The following LPP variants were observed in gnomAD, a reference collection of about 807,000 sequenced individuals.
LPP encodes LIM domain containing preferred translocation partner in lipoma.
In LPP, 38 loss-of-function variants were observed where a neutral mutation model predicts 60.4. The ratio of observed to expected loss-of-function variants is 0.63; its 90% confidence interval spans 0.49 to 0.83. The LOEUF (loss-of-function observed/expected upper bound fraction) is 0.83. LPP is among the 40% of genes least tolerant of loss of function. The pLI, the probability that LPP is intolerant of heterozygous loss-of-function variation, is 0.00. For synonymous variants in LPP, 328 were observed against 290.8 expected (o/e 1.13, Z -1.30); for missense variants, 902 against 783.6 (o/e 1.15, Z -1.80).
At chr3:188,770,968 T>C (rs371063331) in intron 9 of LPP, among the ~76,000 whole-genome samples, 3 of 152,208 alleles carry the variant, frequency 2.0e-5, no homozygotes, top group African/African-American at 7.2e-5. Context: ...AGCTCCAGGA[T>C]TGTCCCATGC....
chr3:188,425,402 A>G (rs561131202), intron 4 of LPP, among the ~76,000 whole-genome samples: 1 of 152,070 alleles, frequency 6.6e-6, no homozygotes, highest in South Asian at 2.1e-4. Context: ...TTGGCCTGAA[A>G]TTTTCTTTTT....
chr3:188,164,921 C>G (rs1022355718), intron 1 of LPP, among the ~76,000 whole-genome samples: 6 of 151,930 alleles, frequency 3.9e-5, no homozygotes, highest in African/African-American at 1.5e-4. Context: ...GCAGTGTGGT[C>G]TCTGCTTGCA....
rs150870024 is a variant in LPP at position 188,800,402 on chromosome 3, C to T, written c.1410+40120C>T. On this transcript the variant is annotated intron_variant, in intron 9 of 11. Coordinates refer to ENST00000617246, the MANE Select transcript of LPP (RefSeq NM_001375462.1). The stretch of plus-strand genomic sequence containing the variant: ...CTGGGACTACAGGTGTCTGCCACCA[C>T]GCCCGGCTAATTTTTTGTATTTTTA... 2.3e-3 allele frequency among the ~76,000 whole-genome samples: 351 copies of T among 151,800 alleles called. 1 individual carries two copies. Among genetic ancestry groups the T allele is most frequent in the African/African-American group, 7.8e-3 (322 of 41,424 alleles).
At chr3:188,181,631 C>T (rs947729251) in intron 1 of LPP, among the ~76,000 whole-genome samples, 1 of 152,184 alleles carries the variant, frequency 6.6e-6, no homozygotes, top group Admixed American at 6.5e-5. Context: ...TATCAGTTTT[C>T]CCACCTGGTT....
At chr3:188,566,581 C>T (rs764021883) in intron 6 of LPP, among the ~76,000 whole-genome samples, 3 of 151,888 alleles carry the variant, frequency 2.0e-5, no homozygotes, top group Non-Finnish European at 4.4e-5. Context: ...CTCCCTCCAA[C>T]ATTCATACCA....
At chr3:188,680,588 AACAGTG>A (rs1452219670) in intron 7 of LPP, among the ~76,000 whole-genome samples, 1 of 152,222 alleles carries the variant, frequency 6.6e-6, no homozygotes, top group African/African-American at 2.4e-5. Flanking sequence ...AGCAGAAAAT[AACAGTG>A]ATGCATTCAG....
At chr3:188,372,638 G>A (rs1773616827) in intron 3 of LPP, among the ~76,000 whole-genome samples, 1 of 150,810 alleles carries the variant, frequency 6.6e-6, no homozygotes. Context: ...AAGTTTCTGG[G>A]ATCTTCTTTA....
At chr3:188,779,165 G>A (rs1196461528) in intron 9 of LPP, among the ~76,000 whole-genome samples, 1 of 152,070 alleles carries the variant, frequency 6.6e-6, no homozygotes, top group Admixed American at 6.5e-5. Context: ...GAATGTTAGT[G>A]CACTTATAGA....
intron 5 of LPP, among the ~76,000 whole-genome samples, chr3:188,493,788 T>C (rs1201746579): frequency 6.6e-6 from 1 of 152,160 alleles, no homozygotes; most frequent in Non-Finnish European, 1.5e-5. Context: ...TAATCTTTCA[T>C]TCACCTTTTT....
At chr3:188,441,604 CTTTTCTTTTTTTTT>C (rs1793877801) in intron 4 of LPP, among the ~76,000 whole-genome samples, 1 of 39,972 alleles carries the variant, frequency 2.5e-5, no homozygotes, top group Non-Finnish European at 4.8e-5. Context: ...TTTTTCTTTT[CTTTTCTTTTTTTTT>C]TTTTTTTTTT....
In LPP at chr3:188,866,262, C is replaced by T. The variant is rs138205223; in HGVS notation, c.1473C>T (p.Thr491=). 4.0e-5 allele frequency: 64 copies of T among 1,586,252 alleles called. No individual in the cohort carries two copies. The African/African-American group carries it at 6.5e-4, about 16-fold the overall frequency. ...TCATGGAGCGGATTCTCCGAGCCAC[C>T]GGGAAGGCCTATCATCCTCACTGTT... ...KPIMERILRA[T]GKAYHPHCFT... Residue 491 remains threonine, a synonymous_variant, in exon 10 of 12, where the codon ACC becomes ACT. Coordinates refer to ENST00000617246, the MANE Select transcript of LPP (RefSeq NM_001375462.1).
Position 188,484,686 on chromosome 3 carries a change from A to T in LPP, c.288A>T (p.Glu96Asp), listed in dbSNP as rs747281339. Residue 96 changes from glutamate to aspartate, a missense_variant, in exon 5 of 12, where the codon GAA becomes GAT. Physicochemically the swap from Glu to Asp is conservative, Grantham distance 45. Transcript: ENST00000617246. ...TTCCTCCTCCACCACCTCTTGATGA[A>T]GAGGCTTTCAAAGTACAGGTAAGAG... ...GNFPPPPPLD[E>D]EAFKVQGNPG... 2 of 1,611,642 alleles carry T rather than the reference A, an allele frequency of 1.2e-6. No homozygotes were observed. The highest frequency in any genetic ancestry group is 1.7e-6 in the Non-Finnish European group (2 of 1,177,868).
chr3:188,321,002 A>G (rs1417282751), intron 2 of LPP, among the ~76,000 whole-genome samples: 1 of 152,138 alleles, frequency 6.6e-6, no homozygotes, highest in African/African-American at 2.4e-5. Flanking sequence ...GATTTTCCTC[A>G]TCCTCACATA....
intron 9 of LPP, among the ~76,000 whole-genome samples, chr3:188,809,496 G>A (rs902220152): frequency 7.2e-5 from 11 of 152,032 alleles, no homozygotes; most frequent in Non-Finnish European, 1.5e-4. Flanking sequence ...AGAAGTGTCT[G>A]TTCATATCCT....
At chr3:188,765,620 T>C (rs1184281533) in intron 9 of LPP, among the ~76,000 whole-genome samples, 1 of 152,110 alleles carries the variant, frequency 6.6e-6, no homozygotes, top group East Asian at 1.9e-4. Context: ...TCAAAGTAAA[T>C]GACAAAACAA....
chr3:188,407,093 AC>A (rs1783682899), intron 4 of LPP, among the ~76,000 whole-genome samples: 1 of 148,448 alleles, frequency 6.7e-6, no homozygotes, highest in African/African-American at 2.5e-5. Flanking sequence ...AAAAAAAAAA[AC>A]TGAAGAATAT....
At chr3:188,189,939 AAAG>A (rs1727685924) in intron 1 of LPP, among the ~76,000 whole-genome samples, 1 of 152,058 alleles carries the variant, frequency 6.6e-6, no homozygotes, top group South Asian at 2.1e-4. Flanking sequence ...TGAAAGACTG[AAAG>A]AAGGAGAGGA....
intron 4 of LPP, among the ~76,000 whole-genome samples, chr3:188,454,882 T>C (rs947158452): frequency 2.0e-5 from 3 of 152,118 alleles, no homozygotes; most frequent in Non-Finnish European, 4.4e-5. Context: ...AAGATGTGAT[T>C]TGGGTGGGGA....
intron 3 of LPP, among the ~76,000 whole-genome samples, chr3:188,360,545 T>C (rs1171035723): frequency 2.0e-5 from 3 of 152,018 alleles, no homozygotes; most frequent in Non-Finnish European, 4.4e-5. Context: ...TTTGTGGAGA[T>C]GGGGTCTCAC....
Sources: allele counts gnomAD v4.1 joint callset (sites outside exome capture counted in the v4.1 genomes callset), GRCh38; gene constraint gnomAD v4.1.1; transcripts MANE v1.5; gene names NCBI Gene and HGNC (gene_info 2026-07-23, HGNC 2026-07-21).